CDCA7L: variants seen among roughly 807,000 people sequenced by gnomAD.
CDCA7L encodes the protein cell division cycle associated 7 like.
In CDCA7L, 44 loss-of-function variants were observed where a neutral mutation model predicts 57.4. That is an observed-to-expected ratio of 0.77 (90% CI 0.60 to 0.98). The LOEUF (loss-of-function observed/expected upper bound fraction) is 0.98. Ranked by LOEUF, CDCA7L falls within the 50% of genes least tolerant of loss-of-function variation. The pLI, the probability that CDCA7L is intolerant of heterozygous loss-of-function variation, is 0.00. For missense variants in CDCA7L, 644 were observed against 580.6 expected (o/e 1.11, Z -1.12); for synonymous variants, 236 against 202.8 (o/e 1.16, Z -1.39).
intron 6 of CDCA7L, 91 bp downstream of exon 6, chr7:21,906,198 G>C: frequency 3.0e-6 from 4 of 1,315,246 alleles, no homozygotes; most frequent in South Asian, 2.9e-5. Context: ...CACGGGGTCA[G>C]AACCAGCCCT....
At chr7:21,929,548 A>G (rs1411627670) in intron 1 of CDCA7L, among the ~76,000 whole-genome samples, 1 of 143,194 alleles carries the variant, frequency 7.0e-6, no homozygotes, top group Non-Finnish European at 1.5e-5. Flanking sequence ...GGTGTGCTGT[A>G]TTCAGGAGAC....
chr7:21,902,819 T>C, intron 9 of CDCA7L, 159 bp downstream of exon 9: 1 of 660,144 alleles, frequency 1.5e-6, no homozygotes, highest in East Asian at 2.8e-5. Context: ...ATATCAGGCC[T>C]GAGCTTTTCC....
At chr7:21,926,208 T>TA (rs1785820700) in intron 1 of CDCA7L, among the ~76,000 whole-genome samples, 1 of 149,542 alleles carries the variant, frequency 6.7e-6, no homozygotes, top group Non-Finnish European at 1.5e-5. Context: ...TATAACTATA[T>TA]ATTAATTAGT....
Position 21,903,000 on chromosome 7 carries a change from T to A in CDCA7L, c.1312A>T (p.Asn438Tyr). The A allele has an allele frequency of 1.9e-6, 3 of 1,613,922 alleles. No homozygotes were observed. The highest frequency in any genetic ancestry group is 2.5e-6 in the Non-Finnish European group (3 of 1,179,812). Residue 438 changes from asparagine to tyrosine, a missense_variant, in exon 9 of 10, where the codon AAT becomes TAT. Transcript: ENST00000406877. Reference sequence around the variant, plus strand: ...TACCTCTCCAGATATTCCTTAACATTGTCATAACCATAAAACTTGGCCAGA... The same window carrying A: ...TACCTCTCCAGATATTCCTTAACATAGTCATAACCATAAAACTTGGCCAGA... ...IHLAKFYGYD[N>Y]VKEYLESLQK...
chr7:21,937,820 C>T (rs895434195), intron 1 of CDCA7L, among the ~76,000 whole-genome samples: 3 of 152,108 alleles, frequency 2.0e-5, no homozygotes, highest in Non-Finnish European at 2.9e-5. Context: ...AACTAATTTT[C>T]AACAAGGATG....
intron 1 of CDCA7L, among the ~76,000 whole-genome samples, chr7:21,922,080 T>C (rs144507021): frequency 3.0e-4 from 46 of 152,266 alleles, no homozygotes; most frequent in African/African-American, 1.1e-3. Context: ...GCCATTTTCT[T>C]AAGAAAGGTG....
At chr7:21,926,263 C>A (rs1785822178) in intron 1 of CDCA7L, among the ~76,000 whole-genome samples, 1 of 152,050 alleles carries the variant, frequency 6.6e-6, no homozygotes, top group Non-Finnish European at 1.5e-5. Context: ...TTAACACCAA[C>A]AGCACAAGCA....
chr7:21,905,354 C>T (rs761696212), intron 7 of CDCA7L, 152 bp downstream of exon 7: 75 of 783,962 alleles, frequency 9.6e-5, no homozygotes, highest in Non-Finnish European at 1.4e-4. Flanking sequence ...TCCCCTTTCC[C>T]AGGTACAGCT....
chr7:21,913,334 G>GA (rs926107879), intron 2 of CDCA7L, among the ~76,000 whole-genome samples: 22 of 150,816 alleles, frequency 1.5e-4, no homozygotes, highest in East Asian at 1.2e-3. Flanking sequence ...GCAGCTGCTT[G>GA]AGAAAAAAAA....
Position 21,900,960 on chromosome 7 carries a change from TAGTAGCAAGCTGCCACAC to T in CDCA7L, c.*1344_*1361del. 1 of 1,520,330 alleles carries T rather than the reference TAGTAGCAAGCTGCCACAC, an allele frequency of 6.6e-7. No individual in the cohort carries two copies. Among genetic ancestry groups the T allele is most frequent in the Non-Finnish European group, 8.8e-7 (1 of 1,135,888 alleles). The allele number at this position is 1,520,330 out of a possible 1,614,324, so 94.2% of individuals were successfully genotyped here. A position where few individuals can be genotyped will look rare whatever the true frequency, so the allele number is the denominator to read the frequency against. On this transcript the variant is annotated 3_prime_UTR_variant, in exon 10 of 10. Coordinates refer to ENST00000406877, the MANE Select transcript of CDCA7L (RefSeq NM_018719.5). The stretch of plus-strand genomic sequence containing the variant: ...AAACAACTTACTTGATCATTATCAT[TAGTAGCAAGCTGCCACAC>T]AATTGCAACCGCTGTGTTTTTGCCA...
At position 21,901,157 on chromosome 7, in the gene CDCA7L, T is replaced by C. The variant is rs1562614615; in HGVS notation, c.*1165A>G. The C allele has an allele frequency of 6.2e-7, 1 of 1,613,800 alleles. No individual in the cohort carries two copies. The highest frequency in any genetic ancestry group is 8.5e-7 in the Non-Finnish European group (1 of 1,179,822). On this transcript the variant is annotated 3_prime_UTR_variant, in exon 10 of 10. Transcript: ENST00000406877. ...GAGTGCCCTGTGTATAGAACCAAAC[T>C]GAGAGGCCCCAGCTACATCTGGACC...
At chr7:21,934,293 G>T (rs1171641797) in intron 1 of CDCA7L, among the ~76,000 whole-genome samples, 2 of 152,128 alleles carry the variant, frequency 1.3e-5, no homozygotes, top group Admixed American at 1.3e-4. Context: ...GATGGAAAAA[G>T]AGCTATATAG....
intron 1 of CDCA7L, among the ~76,000 whole-genome samples, chr7:21,936,616 C>T (rs1038097372): frequency 6.6e-6 from 1 of 151,804 alleles, no homozygotes; most frequent in Non-Finnish European, 1.5e-5. Flanking sequence ...CAAAATTCAA[C>T]ACCCTTCCCT....
chr7:21,939,486 T>G (rs189930953), intron 1 of CDCA7L, among the ~76,000 whole-genome samples: 1 of 152,216 alleles, frequency 6.6e-6, no homozygotes, highest in Non-Finnish European at 1.5e-5. Context: ...AACTGGAATT[T>G]TGGCAGAGAT....
chr7:21,937,169 C>T (rs1435189501), intron 1 of CDCA7L, among the ~76,000 whole-genome samples: 3 of 152,246 alleles, frequency 2.0e-5, no homozygotes, highest in African/African-American at 7.2e-5. Flanking sequence ...GAGAACCATC[C>T]CATGTTCATG....
At chr7:21,917,613 C>A in intron 1 of CDCA7L, among the ~76,000 whole-genome samples, 1 of 152,188 alleles carries the variant, frequency 6.6e-6, no homozygotes, top group East Asian at 1.9e-4. Flanking sequence ...CCTGTTGATT[C>A]TTTATCTAGA....
Position 21,911,602 on chromosome 7 carries a change from T to C in CDCA7L, c.303+15A>G, listed in dbSNP as rs774063470. On this transcript the variant is annotated intron_variant, in intron 3 of 9. Transcript: ENST00000406877. ...AAACGTTACCACCCACATCCCTTCC[T>C]GTTGTAATTATTACCATTACTTCTG... 6.2e-7 allele frequency: 1 copy of C among 1,605,160 alleles called. No individual in the cohort carries two copies. Among genetic ancestry groups the C allele is most frequent in the South Asian group, 1.1e-5 (1 of 89,012 alleles).
chr7:21,925,693 T>C, intron 1 of CDCA7L, among the ~76,000 whole-genome samples: 1 of 152,018 alleles, frequency 6.6e-6, no homozygotes, highest in Non-Finnish European at 1.5e-5. Context: ...AGTTCAAGAC[T>C]AGCCTGGGCA....
Position 21,908,339 on chromosome 7 carries a change from C to T in CDCA7L, c.472G>A (p.Asp158Asn). 1 of 1,609,696 alleles carries T rather than the reference C, an allele frequency of 6.2e-7. No individual in the cohort carries two copies. Among genetic ancestry groups the T allele is most frequent in the South Asian group, 1.1e-5 (1 of 90,706 alleles). ...AACTGCTCGGAAGAACTGTTTTTAT[C>T]TGGTTTGTTGGCCAGCTTCTTGGTG... ...FPTKKLANKPDKNSSSEQLFS... is the reference protein window; with the variant it reads ...FPTKKLANKPNKNSSSEQLFS... The change falls in exon 4 of 10, where the codon GAT (aspartate) becomes AAT (asparagine). Residue 158 changes from aspartate to asparagine, a missense_variant. Asp to Asn is a conservative substitution (Grantham distance 23). Coordinates refer to ENST00000406877, the MANE Select transcript of CDCA7L (RefSeq NM_018719.5).
Sources: gnomAD v4.1 joint callset for allele counts (sites outside exome capture counted in the v4.1 genomes callset) on GRCh38, gnomAD v4.1.1 for gene constraint, MANE v1.5 for transcripts, NCBI Gene and HGNC (gene_info 2026-07-23, HGNC 2026-07-21) for gene names.